LRMDA: variants seen among roughly 807,000 people sequenced by gnomAD.
LRMDA encodes leucine-rich melanocyte differentiation-associated protein.
A neutral mutation model predicts 29.8 loss-of-function variants in LRMDA; 18 were observed. The ratio of observed to expected loss-of-function variants is 0.60; its 90% CI spans 0.42 to 0.90. The LOEUF is 0.90. LRMDA is among the 40% of genes least tolerant of loss of function. The pLI is 0.00. For missense variants in LRMDA, 273 were observed against 273.9 expected (o/e 1.00, Z 0.02); for synonymous variants, 125 against 109.4 (o/e 1.14, Z -0.89).
intron 6 of LRMDA, among the ~76,000 whole-genome samples, chr10:76,463,176 C>G (rs565940099): frequency 6.6e-6 from 1 of 152,100 alleles, no homozygotes; most frequent in African/African-American, 2.4e-5. Flanking sequence ...AAGGCAGTCC[C>G]GTGGAAGAGC....
chr10:76,470,352 G>A (rs571500316), intron 6 of LRMDA: 36 of 152,072 alleles, frequency 2.4e-4, no homozygotes, highest in African/African-American at 6.3e-4. Flanking sequence ...GCAATTGTAC[G>A]TAAGCATGGA....
At chr10:76,146,451 T>G (rs564133153) in intron 5 of LRMDA, among the ~76,000 whole-genome samples, 1 of 151,604 alleles carries the variant, frequency 6.6e-6, no homozygotes, top group East Asian at 1.9e-4. Flanking sequence ...TGTAATGGCC[T>G]TCTTTGTCTC....
At chr10:76,046,027 C>G (rs962970467) in intron 3 of LRMDA, among the ~76,000 whole-genome samples, 2 of 152,188 alleles carry the variant, frequency 1.3e-5, no homozygotes, top group African/African-American at 4.8e-5. Flanking sequence ...GAACTGTAAT[C>G]TGAGTCTTTC....
intron 6 of LRMDA, among the ~76,000 whole-genome samples, chr10:76,479,681 A>G (rs1413820010): frequency 1.3e-5 from 2 of 151,874 alleles, no homozygotes; most frequent in East Asian, 1.9e-4. Flanking sequence ...CCTAATCTGA[A>G]ATGTTCAAGA....
intron 5 of LRMDA, among the ~76,000 whole-genome samples, chr10:76,247,103 T>C (rs1010579034): frequency 2.6e-5 from 4 of 152,212 alleles, no homozygotes; most frequent in Admixed American, 1.3e-4. Flanking sequence ...ACTCCTTCAC[T>C]CTTGCCCCAG....
At chr10:75,811,817 C>T (rs948255440) in intron 2 of LRMDA, among the ~76,000 whole-genome samples, 1 of 152,164 alleles carries the variant, frequency 6.6e-6, no homozygotes, top group Non-Finnish European at 1.5e-5. Flanking sequence ...TTCAGCAAAA[C>T]GGAGCACATC....
chr10:75,855,458 G>A (rs745629953), intron 2 of LRMDA, among the ~76,000 whole-genome samples: 194 of 152,212 alleles, frequency 1.3e-3, no homozygotes, highest in Admixed American at 4.3e-3. Context: ...TAGATCCTGG[G>A]TATTAGCCCT....
chr10:75,574,114 G>A (rs1054670696), intron 2 of LRMDA, among the ~76,000 whole-genome samples: 1 of 151,988 alleles, frequency 6.6e-6, no homozygotes, highest in Admixed American at 6.6e-5. Context: ...CTTAGTTCCA[G>A]TTCCCCATAC....
chr10:75,529,350 G>T (rs1845449577), intron 2 of LRMDA, among the ~76,000 whole-genome samples: 3 of 152,208 alleles, frequency 2.0e-5, no homozygotes, highest in Non-Finnish European at 1.5e-5. Context: ...TTAACCAAAA[G>T]TCTGTTACCA....
chr10:75,842,221 T>G (rs993514171), intron 2 of LRMDA, among the ~76,000 whole-genome samples: 5 of 152,250 alleles, frequency 3.3e-5, no homozygotes, highest in African/African-American at 9.6e-5. Flanking sequence ...GTGAAACTGA[T>G]ATGAAGTTCA....
chr10:76,238,024 C>T (rs1043269692), intron 5 of LRMDA, among the ~76,000 whole-genome samples: 2 of 152,046 alleles, frequency 1.3e-5, no homozygotes, highest in African/African-American at 4.8e-5. Context: ...CTCCTGACCT[C>T]AGGTGATCCA....
At chr10:76,553,226 GC>G (rs1268113429) in intron 6 of LRMDA, among the ~76,000 whole-genome samples, 1 of 152,204 alleles carries the variant, frequency 6.6e-6, no homozygotes, top group Non-Finnish European at 1.5e-5. Context: ...CACAGGGCAA[GC>G]CTGCTTTACT....
At chr10:76,026,795 C>A (rs923260439) in intron 2 of LRMDA, among the ~76,000 whole-genome samples, 4 of 152,150 alleles carry the variant, frequency 2.6e-5, no homozygotes, top group Non-Finnish European at 5.9e-5. Flanking sequence ...AGTCAGATAA[C>A]CATAGTATCT....
intron 5 of LRMDA, among the ~76,000 whole-genome samples, chr10:76,109,156 AGT>A (rs755762411): frequency 6.6e-6 from 1 of 152,154 alleles, no homozygotes; most frequent in Non-Finnish European, 1.5e-5. Flanking sequence ...CCTGGATAAC[AGT>A]GTGCCTGCGC....
intron 5 of LRMDA, among the ~76,000 whole-genome samples, chr10:76,252,422 A>G (rs992157020): frequency 5.3e-5 from 8 of 152,204 alleles, no homozygotes; most frequent in African/African-American, 1.9e-4. Flanking sequence ...AGTTGACCAG[A>G]GAGGTAAATT....
At chr10:75,437,783 G>A (rs950254279) in intron 1 of LRMDA, among the ~76,000 whole-genome samples, 2 of 152,228 alleles carry the variant, frequency 1.3e-5, no homozygotes, top group African/African-American at 4.8e-5. Flanking sequence ...CTGGAGGAGG[G>A]ACATTCAGGA....
chr10:76,496,232 T>C lies in LRMDA; in HGVS notation c.602-60977T>C, dbSNP rs576312650. On this transcript the variant is annotated intron_variant, in intron 6 of 6. Transcript: ENST00000611255. ...CTGGTCCTTTCAGGTAGTTTTCTTC[T>C]AGCTCTTTTCTAAAAACTCATGTAG... Among the ~76,000 whole-genome samples, 8 of 75,436 alleles carry C rather than the reference T, an allele frequency of 1.1e-4. 4 individuals carry two copies. Among genetic ancestry groups the C allele is most frequent in the Non-Finnish European group, 3.5e-4 (8 of 22,724 alleles). The allele number at this position is 75,436 out of a possible 152,430, so 49.5% of individuals were successfully genotyped here.
chr10:76,137,257 A>G (rs1441424187), intron 5 of LRMDA, among the ~76,000 whole-genome samples: 2 of 152,198 alleles, frequency 1.3e-5, no homozygotes, highest in Non-Finnish European at 2.9e-5. Flanking sequence ...TCATTGTTTC[A>G]TATCAGTCAT....
intron 2 of LRMDA, among the ~76,000 whole-genome samples, chr10:75,766,527 C>T (rs1408184252): frequency 2.6e-5 from 4 of 152,172 alleles, no homozygotes; most frequent in Admixed American, 6.5e-5. Flanking sequence ...CTTCTTCCTT[C>T]CGAACCCTTC....
Sources: allele counts gnomAD v4.1 joint callset (sites outside exome capture counted in the v4.1 genomes callset), GRCh38; gene constraint gnomAD v4.1.1; transcripts MANE v1.5; gene names NCBI Gene and HGNC (gene_info 2026-07-23, HGNC 2026-07-21).